Variants in ARID1B observed in about 807,000 individuals in gnomAD.
The protein encoded by ARID1B is AT-rich interaction domain 1B, also known as AT-rich interactive domain-containing protein 1B.
ARID1B carries 30 observed loss-of-function variants against 212.3 expected under a neutral mutation model. That is an observed-to-expected ratio of 0.14 (90% CI 0.11 to 0.19). The LOEUF (loss-of-function observed/expected upper bound fraction) is 0.19. Among genes scored for constraint, ARID1B ranks in the 10% least tolerant of loss-of-function variants. ARID1B has a pLI of 1.00. For synonymous variants in ARID1B, 1,402 were observed against 1,301.7 expected (o/e 1.08, Z -1.66); for missense variants, 2,891 against 3,204.0 (o/e 0.90, Z 2.36).
intron 8 of ARID1B, chr6:157,152,324 CGAG>C (rs1475586028): frequency 1.3e-5 from 2 of 152,142 alleles, no homozygotes; most frequent in African/African-American, 4.8e-5. Flanking sequence ...CTAACCAGCA[CGAG>C]GAGATCAAAT....
intron 2 of ARID1B, among the ~76,000 whole-genome samples, chr6:156,891,753 T>G (rs1787941193): frequency 6.6e-6 from 1 of 152,142 alleles, no homozygotes; most frequent in African/African-American, 2.4e-5. Context: ...CTCAAACCAG[T>G]TCCCTGTTGA....
chr6:156,976,290 C>A, intron 4 of ARID1B: 1 of 161,626 alleles, frequency 6.2e-6, no homozygotes, highest in South Asian at 1.5e-4. Context: ...ACACGGATGT[C>A]CTGGCTGACA....
intron 1 of ARID1B, among the ~76,000 whole-genome samples, chr6:156,802,422 A>T (rs1414784617): frequency 6.6e-6 from 1 of 152,062 alleles, no homozygotes; most frequent in African/African-American, 2.4e-5. Flanking sequence ...TCTTTTTAGG[A>T]TTTAGTAGTT....
chr6:156,875,165 G>A lies in ARID1B; in HGVS notation c.1987-26211G>A, dbSNP rs2063713. Among the ~76,000 whole-genome samples the A allele has an allele frequency of 4.6e-5, 7 of 151,858 alleles. No homozygotes were observed. In the South Asian group the frequency reaches 6.2e-4, roughly 14 times the overall value. ...GGCCATTCATTTATTCATTGTTCCC[G>A]CATTCCTTCACTAAACGAGCACTAC... On this transcript the variant is annotated intron_variant, in intron 2 of 19. Transcript: ENST00000636930.
At chr6:157,138,200 T>TTTGGTTGG (rs147835417) in intron 7 of ARID1B, among the ~76,000 whole-genome samples, 4,768 of 149,070 alleles carry the variant, frequency 0.032, 185 homozygotes, top group African/African-American at 0.086. Context: ...AACCTCCATC[T>TTTGGTTGG]TTGGTTGGTT....
chr6:156,901,949 G>A (rs1788978051), intron 3 of ARID1B: 1 of 177,594 alleles, frequency 5.6e-6, no homozygotes, highest in Non-Finnish European at 1.2e-5. Flanking sequence ...AATGGTAAGT[G>A]CTACTTTGTG....
At chr6:157,054,284 C>T (rs1782796983) in intron 4 of ARID1B, among the ~76,000 whole-genome samples, 1 of 151,934 alleles carries the variant, frequency 6.6e-6, no homozygotes, top group African/African-American at 2.4e-5. Context: ...TAGGTTTTTC[C>T]CCTTGGAAAT....
chr6:157,022,658 C>A (rs1192839360), intron 4 of ARID1B: 2 of 152,214 alleles, frequency 1.3e-5, no homozygotes, highest in African/African-American at 4.8e-5. Flanking sequence ...CAGCGACGGC[C>A]ACTTTGGTTT....
intron 4 of ARID1B, among the ~76,000 whole-genome samples, chr6:157,056,702 A>C (rs946621235): frequency 6.6e-6 from 1 of 152,250 alleles, no homozygotes; most frequent in Admixed American, 6.5e-5. Flanking sequence ...TGAAATGCTC[A>C]GAAAAAATTT....
chr6:157,198,533 C>T, intron 16 of ARID1B: 1 of 415,832 alleles, frequency 2.4e-6, no homozygotes, highest in Non-Finnish European at 4.4e-6. Flanking sequence ...CTAACAAGTG[C>T]TTACAGGGTG....
chr6:156,889,647 C>G (rs1787772387), intron 2 of ARID1B, among the ~76,000 whole-genome samples: 2 of 152,182 alleles, frequency 1.3e-5, no homozygotes, highest in Non-Finnish European at 2.9e-5. Context: ...GAAAAGTGAT[C>G]TCACTCTTGT....
intron 3 of ARID1B, among the ~76,000 whole-genome samples, chr6:156,910,826 C>T (rs1456924139): frequency 6.6e-6 from 1 of 152,064 alleles, no homozygotes; most frequent in Non-Finnish European, 1.5e-5. Flanking sequence ...CAGATAATAC[C>T]TTCTCATTGT....
At chr6:157,145,412 C>A (rs148963718) in intron 7 of ARID1B, among the ~76,000 whole-genome samples, 82 of 152,264 alleles carry the variant, frequency 5.4e-4, no homozygotes, top group African/African-American at 2.0e-3. Context: ...TGAACTATTT[C>A]CTATCTGGCC....
At chr6:156,879,161 G>A (rs1281791138) in intron 2 of ARID1B, among the ~76,000 whole-genome samples, 2 of 152,232 alleles carry the variant, frequency 1.3e-5, no homozygotes, top group African/African-American at 4.8e-5. Flanking sequence ...CGCACTCGGA[G>A]CCTCTTCCAA....
intron 5 of ARID1B, among the ~76,000 whole-genome samples, chr6:157,108,987 C>T (rs1258711458): frequency 6.6e-6 from 1 of 152,148 alleles, no homozygotes; most frequent in Non-Finnish European, 1.5e-5. Flanking sequence ...AAGCCTAAAC[C>T]CCTGAAAACA....
In ARID1B at chr6:157,096,165, T is replaced by C. The variant is rs550869955; in HGVS notation, c.2491+11260T>C. On this transcript the variant is annotated intron_variant, in intron 5 of 19. Coordinates refer to ENST00000636930, the MANE Select transcript of ARID1B (RefSeq NM_001374828.1). The stretch of plus-strand genomic sequence containing the variant: ...CCTTCACGAAGTCCTTGCTGACCCC[T>C]GCAGCCCCGGAGTTCAGCTCTCCCT... 2.0e-5 allele frequency among the ~76,000 whole-genome samples: 3 copies of C among 152,310 alleles called. No homozygotes were observed. The South Asian group carries it at 6.2e-4, about 32-fold the overall frequency.
chr6:156,801,691 T>G (rs1403157651), intron 1 of ARID1B, among the ~76,000 whole-genome samples: 2 of 152,160 alleles, frequency 1.3e-5, no homozygotes, highest in Non-Finnish European at 2.9e-5. Context: ...GTTTTTGCTT[T>G]TTTTTTAGTA....
At chr6:157,158,942 T>C (rs1790741737) in intron 8 of ARID1B, among the ~76,000 whole-genome samples, 1 of 152,240 alleles carries the variant, frequency 6.6e-6, no homozygotes, top group Admixed American at 6.5e-5. Flanking sequence ...TCATGCTGTA[T>C]GGATCTAGCT....
At chr6:157,084,249 T>G (rs546795246) in intron 4 of ARID1B, among the ~76,000 whole-genome samples, 1 of 152,154 alleles carries the variant, frequency 6.6e-6, no homozygotes, top group African/African-American at 2.4e-5. Flanking sequence ...TGTCAAATTC[T>G]GAAAAAAAGG....
Sources: allele counts gnomAD v4.1 joint callset (sites outside exome capture counted in the v4.1 genomes callset), GRCh38; gene constraint gnomAD v4.1.1; transcripts MANE v1.5; gene names NCBI Gene and HGNC (gene_info 2026-07-23, HGNC 2026-07-21).